The following DOCK9 variants were observed in gnomAD, a reference collection of about 807,000 sequenced individuals.
DOCK9 encodes dedicator of cytokinesis 9, also known as dedicator of cytokinesis protein 9.
A neutral mutation model predicts 263.3 loss-of-function variants in DOCK9; 89 were observed. That is an observed-to-expected ratio of 0.34 (90% CI 0.28 to 0.40). The LOEUF is 0.40. DOCK9 is among the 10% of genes least tolerant of loss of function. DOCK9 has a pLI of 1.00. For synonymous variants in DOCK9, 976 were observed against 973.1 expected (o/e 1.00, Z -0.06); for missense variants, 2,140 against 2,603.4 (o/e 0.82, Z 3.87).
At chr13:99,017,067 G>A (rs1296126488) in intron 1 of DOCK9, among the ~76,000 whole-genome samples, 1 of 152,198 alleles carries the variant, frequency 6.6e-6, no homozygotes, top group Non-Finnish European at 1.5e-5. Flanking sequence ...TGCAAAGTGT[G>A]TCTGATAGCT....
intron 27 of DOCK9, among the ~76,000 whole-genome samples, chr13:98,869,159 T>A (rs1003449406): frequency 1.5e-4 from 23 of 152,354 alleles, no homozygotes; most frequent in Non-Finnish European, 2.5e-4. Flanking sequence ...TAAAACTGCT[T>A]GGCAGCAGTC....
At chr13:99,047,478 T>A (rs534323157) in intron 1 of DOCK9, among the ~76,000 whole-genome samples, 1 of 151,964 alleles carries the variant, frequency 6.6e-6, no homozygotes, top group Admixed American at 6.6e-5. Flanking sequence ...CTGAAAATAA[T>A]GAAAGTCAAA....
chr13:99,062,839 C>T (rs796956582), intron 1 of DOCK9, among the ~76,000 whole-genome samples: 12 of 152,314 alleles, frequency 7.9e-5, no homozygotes, highest in African/African-American at 2.6e-4. Context: ...AGCCCAGGAC[C>T]GCGCCAGTTC....
chr13:98,986,524 G>A (rs564313857), intron 1 of DOCK9, among the ~76,000 whole-genome samples: 97 of 152,346 alleles, frequency 6.4e-4, no homozygotes, highest in African/African-American at 2.1e-3. Flanking sequence ...GACAATGACC[G>A]TGTATAGTAA....
chr13:99,087,158 G>GTCCCTGCTCGGAACC (rs2042367491), upstream of DOCK9, among the ~76,000 whole-genome samples: 1 of 152,002 alleles, frequency 6.6e-6, no homozygotes, highest in African/African-American at 2.4e-5. Context: ...TGGACGGAGC[G>GTCCCTGCTCGGAACC]TCCCTGCTCG....
chr13:99,016,818 A>G (rs1188456093), intron 1 of DOCK9, among the ~76,000 whole-genome samples: 2 of 152,248 alleles, frequency 1.3e-5, no homozygotes, highest in African/African-American at 4.8e-5. Context: ...CTCTGATATT[A>G]TTCCTTATTT....
upstream of DOCK9, among the ~76,000 whole-genome samples, chr13:98,981,370 AT>A (rs1311700584): frequency 6.6e-6 from 1 of 152,170 alleles, no homozygotes; most frequent in African/African-American, 2.4e-5. Context: ...GCAAGTAAAA[AT>A]TTTTTTAAAT....
chr13:99,042,765 G>A (rs139593450), intron 1 of DOCK9, among the ~76,000 whole-genome samples: 130 of 152,282 alleles, frequency 8.5e-4, no homozygotes, highest in African/African-American at 3.0e-3. Flanking sequence ...GCCAAAGATT[G>A]TCCCTAGGTA....
In DOCK9 at chr13:98,873,518, T is replaced by C. The variant is rs560669013; in HGVS notation, c.2944-5141A>G. 9.8e-5 allele frequency among the ~76,000 whole-genome samples: 15 copies of C among 152,336 alleles called. No individual in the cohort carries two copies. The South Asian group carries it at 2.5e-3, about 25-fold the overall frequency. On this transcript the variant is annotated intron_variant, in intron 27 of 52. Transcript: ENST00000682017. ...AAAGACTACATTTACCAGCATCCCT[T>C]GCAGCTAGGTACCGTCATGGCTAAC...
intron 1 of DOCK9, among the ~76,000 whole-genome samples, chr13:99,053,423 T>A (rs1841923090): frequency 6.6e-6 from 1 of 152,238 alleles, no homozygotes; most frequent in Non-Finnish European, 1.5e-5. Context: ...TAGCTCATTA[T>A]GCTTCTAAGA....
chr13:98,860,399 C>T lies in DOCK9; in HGVS notation c.3697+6G>A, dbSNP rs772753885. 1.6e-5 allele frequency: 25 copies of T among 1,575,380 alleles called. No homozygotes were observed. The East Asian group carries it at 1.6e-4, about 10-fold the overall frequency. Reference sequence around the variant, plus strand: ...GAGAGAAGCCCACAAGAGCATGGAGCGTTACCAATGCCGGAGATGGCGCCC... The same window carrying T: ...GAGAGAAGCCCACAAGAGCATGGAGTGTTACCAATGCCGGAGATGGCGCCC... On this transcript the variant is annotated splice_donor_region_variant and intron_variant, in intron 33 of 52. Transcript: ENST00000682017.
chr13:98,809,929 G>A (rs1187285171), intron 46 of DOCK9, among the ~76,000 whole-genome samples: 3 of 152,102 alleles, frequency 2.0e-5, no homozygotes, highest in African/African-American at 4.8e-5. Context: ...GTGGAGTGCC[G>A]GTTACTCTGT....
rs143033214 is a variant in DOCK9, at chr13:98,963,092, C to T, written c.127-7541G>A. Among the ~76,000 whole-genome samples the T allele has an allele frequency of 3.3e-5, 5 of 152,224 alleles. No homozygotes were observed. In the East Asian group the frequency reaches 5.8e-4, roughly 18 times the overall value. ...ATGGACACAGGTGAGCCACTGATAC[C>T]GAGGCCCCGCCAGTCCCCATCTACT... On this transcript the variant is annotated intron_variant, in intron 1 of 52. Coordinates refer to ENST00000682017, the MANE Select transcript of DOCK9 (RefSeq NM_001366683.2).
chr13:98,796,480 T>C (rs992895484), intron 52 of DOCK9, among the ~76,000 whole-genome samples: 4 of 152,180 alleles, frequency 2.6e-5, no homozygotes, highest in African/African-American at 9.7e-5. Flanking sequence ...ATGTGGATGC[T>C]GCTCTAGGCA....
upstream of DOCK9, among the ~76,000 whole-genome samples, chr13:98,981,747 C>T (rs892281763): frequency 2.0e-5 from 3 of 152,188 alleles, no homozygotes; most frequent in African/African-American, 7.2e-5. Flanking sequence ...CATGGCACCG[C>T]GTTTAACCTC....
Position 98,860,594 on chromosome 13 carries a change from C to T in DOCK9, c.3580-72G>A, listed in dbSNP as rs1594755037. On this transcript the variant is annotated intron_variant, in intron 32 of 52. Transcript: ENST00000682017. ...ATTCCTCCCCTGTTCTTGGAAGTGC[C>T]AGGGCAAGTGCAGGACCAAGACAGC... 9.8e-6 allele frequency: 14 copies of T among 1,429,928 alleles called. No homozygotes were observed. The East Asian group carries it at 3.2e-4, about 33-fold the overall frequency. The allele number at this position is 1,429,928 out of a possible 1,614,324, so 88.6% of individuals were successfully genotyped here.
chr13:98,995,735 G>A (rs1275792243), intron 1 of DOCK9, among the ~76,000 whole-genome samples: 4 of 152,124 alleles, frequency 2.6e-5, no homozygotes, highest in East Asian at 3.9e-4. Context: ...TGATCCGCCC[G>A]TCTAGGCCTC....
chr13:99,038,942 T>G (rs1329049662), intron 1 of DOCK9, among the ~76,000 whole-genome samples: 1 of 152,250 alleles, frequency 6.6e-6, no homozygotes, highest in East Asian at 1.9e-4. Context: ...GTTTGCTGCA[T>G]GACATTCATT....
At chr13:98,868,033 A>C in intron 28 of DOCK9, 22 bp from the exon 29 acceptor site, 2 of 1,608,938 alleles carry the variant, frequency 1.2e-6, no homozygotes, top group Non-Finnish European at 1.7e-6. Context: ...AACAAGCAAA[A>C]AAGTTATTTC....
Sources: gnomAD v4.1 joint callset for allele counts (sites outside exome capture counted in the v4.1 genomes callset) on GRCh38, gnomAD v4.1.1 for gene constraint, MANE v1.5 for transcripts, NCBI Gene and HGNC (gene_info 2026-07-23, HGNC 2026-07-21) for gene names.